NOX3: variants seen among roughly 807,000 people sequenced by gnomAD.
NOX3 encodes the protein NADPH oxidase catalytic subunit-like 3.
A neutral mutation model predicts 76.7 loss-of-function variants in NOX3; 74 were observed. That is an observed-to-expected ratio of 0.96 (90% CI 0.80 to 1.17). The LOEUF (loss-of-function observed/expected upper bound fraction) is 1.17. Ranked by LOEUF, NOX3 falls within the 50% of genes most tolerant of loss-of-function variation. The pLI is 0.00. For synonymous variants in NOX3, 263 were observed against 261.1 expected, an observed-to-expected ratio of 1.01 and a Z score of -0.07; for missense variants, 695 against 703.3, an observed-to-expected ratio of 0.99 and a Z score of 0.13.
intron 3 of NOX3, 73 bp from the exon 4 acceptor site, chr6:155,453,561 G>T: frequency 1.7e-6 from 2 of 1,186,916 alleles, no homozygotes; most frequent in South Asian, 1.2e-5. Context: ...AGTTAAGAGA[G>T]TAGGAATCAG....
chr6:155,443,672 G>A (rs1285258796), intron 4 of NOX3, among the ~76,000 whole-genome samples: 1 of 151,758 alleles, frequency 6.6e-6, no homozygotes, highest in African/African-American at 2.4e-5. Context: ...TCATCATAAA[G>A]TGTATAGTTA....
intron 4 of NOX3, 140 bp from the exon 5 acceptor site, chr6:155,443,558 C>T: frequency 1.0e-6 from 1 of 988,862 alleles, no homozygotes; most frequent in East Asian, 2.8e-5. Context: ...ATTTACACAT[C>T]TTTCCCAGTG....
chr6:155,452,953 C>T (rs1390393216), intron 4 of NOX3, among the ~76,000 whole-genome samples: 2 of 152,178 alleles, frequency 1.3e-5, no homozygotes, highest in East Asian at 1.9e-4. Context: ...ATGTCCATTA[C>T]CTCACTATGA....
chr6:155,446,983 A>C (rs1365959923), intron 4 of NOX3, among the ~76,000 whole-genome samples: 1 of 152,126 alleles, frequency 6.6e-6, no homozygotes, highest in African/African-American at 2.4e-5. Flanking sequence ...CAGAAAGAGA[A>C]GGCAGGATAC....
intron 5 of NOX3, among the ~76,000 whole-genome samples, chr6:155,441,700 T>G (rs1418633227): frequency 6.6e-6 from 1 of 152,238 alleles, no homozygotes; most frequent in African/African-American, 2.4e-5. Flanking sequence ...TTATTATTTT[T>G]CTAGTAAGAT....
intron 13 of NOX3, among the ~76,000 whole-genome samples, 182 bp downstream of exon 13, chr6:155,396,627 T>C (rs536381449): frequency 3.3e-5 from 5 of 152,374 alleles, no homozygotes; most frequent in African/African-American, 1.2e-4. Flanking sequence ...TAAAATATTA[T>C]TGGAACACAA....
At chr6:155,446,387 G>GACGTCTGA (rs1486711678) in intron 4 of NOX3, among the ~76,000 whole-genome samples, 21 of 152,122 alleles carry the variant, frequency 1.4e-4, no homozygotes, top group African/African-American at 5.1e-4. Context: ...TAAAAAGCAG[G>GACGTCTGA]TAGTACGTCT....
rs753185506 is a variant in NOX3 at position 155,440,052 on chromosome 6, G to A, written c.572C>T (p.Ser191Leu). The A allele has an allele frequency of 8.1e-6, 13 of 1,613,890 alleles. No homozygotes were observed. The South Asian group carries it at 1.2e-4, about 15-fold the overall frequency. The change falls in exon 6 of 14, where the codon TCA (serine) becomes TTA (leucine). Residue 191 changes from serine (S) to leucine (L), a missense_variant. Transcript: ENST00000159060. ...SLALVLIMTS[S>L]TEFIRQASYE... ...GGAGGCCTGTCTGATGAACTCAGTT[G>A]ACGAGGTCATGATCAAGACTAAAGC...
chr6:155,436,978 C>T (rs1379929830), intron 6 of NOX3, among the ~76,000 whole-genome samples: 1 of 150,478 alleles, frequency 6.6e-6, no homozygotes, highest in Non-Finnish European at 1.5e-5. Flanking sequence ...TTTCTGAATG[C>T]TCAGAAGTCT....
At chr6:155,450,983 T>A (rs4870371) in intron 4 of NOX3, among the ~76,000 whole-genome samples, 17,844 of 146,834 alleles carry the variant, frequency 0.12, 1,159 homozygotes, top group Admixed American at 0.19. Flanking sequence ...CATTGAAAAA[T>A]TTTTTTTTTT....
chr6:155,451,745 C>CAAG (rs1253887892), intron 4 of NOX3, among the ~76,000 whole-genome samples: 1 of 152,094 alleles, frequency 6.6e-6, no homozygotes, highest in East Asian at 1.9e-4. Flanking sequence ...CCACCAAAGC[C>CAAG]TCCCAAGTAG....
At chr6:155,432,436 G>A (rs905821562) in intron 7 of NOX3, among the ~76,000 whole-genome samples, 8 of 151,342 alleles carry the variant, frequency 5.3e-5, no homozygotes, top group African/African-American at 1.5e-4. Flanking sequence ...AGGATGTCTC[G>A]GTCTTCAGAA....
chr6:155,421,546 A>G (rs1776689540), intron 10 of NOX3, among the ~76,000 whole-genome samples: 1 of 152,170 alleles, frequency 6.6e-6, no homozygotes, highest in Non-Finnish European at 1.5e-5. Context: ...GATGAAACAA[A>G]ACTGAATGAG....
At chr6:155,428,724 AT>A (rs762194158) in intron 9 of NOX3, 69 bp downstream of exon 9, 12 of 1,348,538 alleles carry the variant, frequency 8.9e-6, no homozygotes, top group Non-Finnish European at 1.2e-5. Context: ...ATCAGGTAGC[AT>A]GTTGATACAT....
rs765073083 is a variant in NOX3, at chr6:155,407,114, C to A, written c.1580+16G>T. On this transcript the variant is annotated intron_variant, in intron 12 of 13. Transcript: ENST00000159060. ...GAGAAGAGCCTGGCAGGGAGAGGAG[C>A]AAGAGCTTGCCTTACCTGGGGTGAT... 1.3e-5 allele frequency: 21 copies of A among 1,613,874 alleles called. No homozygotes were observed. In the Admixed American group the frequency reaches 1.7e-4, roughly 13 times the overall value.
chr6:155,396,138 CA>C (rs1779135381), intron 13 of NOX3, among the ~76,000 whole-genome samples: 1 of 151,876 alleles, frequency 6.6e-6, no homozygotes, highest in Non-Finnish European at 1.5e-5. Context: ...TATCCTAGGC[CA>C]AAAGGTTAAA....
chr6:155,451,963 T>C (rs374879155), intron 4 of NOX3, among the ~76,000 whole-genome samples: 1 of 152,148 alleles, frequency 6.6e-6, no homozygotes. Context: ...GCTGTTTTTT[T>C]CCCCCTTCTC....
Position 155,428,929 on chromosome 6 carries a change from G to A in NOX3, c.1010C>T (p.Pro337Leu), listed in dbSNP as rs1420863738. ...CPAISSLEWHPFTLTSAPQED... is the reference protein window; with the variant it reads ...CPAISSLEWHLFTLTSAPQED... ...CTGGGGGGCAGAGGTAAGGGTGAAG[G>A]GGTGCCACTCCAGCGAAGATATGGC... The change falls in exon 9 of 14, where the codon CCC becomes CTC. Residue 337 changes from proline (P) to leucine (L), a missense_variant. Physicochemically the swap from Pro to Leu is moderately conservative, Grantham distance 98. Transcript: ENST00000159060. 18 of 1,613,846 alleles carry A rather than the reference G, an allele frequency of 1.1e-5. No homozygotes were observed. The highest frequency in any genetic ancestry group is 1.5e-5 in the Non-Finnish European group (18 of 1,179,970).
intron 4 of NOX3, among the ~76,000 whole-genome samples, chr6:155,451,047 C>T (rs944959190): frequency 3.3e-5 from 5 of 151,618 alleles, no homozygotes; most frequent in African/African-American, 1.2e-4. Flanking sequence ...GGGGCATTCT[C>T]GGCTCACTAC....
Sources: allele counts gnomAD v4.1 joint callset (sites outside exome capture counted in the v4.1 genomes callset), GRCh38; gene constraint gnomAD v4.1.1; transcripts MANE v1.5; gene names NCBI Gene and HGNC (gene_info 2026-07-23, HGNC 2026-07-21).